Variants in DCX observed in about 807,000 individuals in gnomAD.
The protein encoded by DCX is doublecortin, also known as neuronal migration protein doublecortin.
Under a neutral mutation model 20.9 loss-of-function variants are expected in DCX, and 4 were observed. The ratio of observed to expected loss-of-function variants is 0.19; its 90% CI spans 0.09 to 0.44. The LOEUF (loss-of-function observed/expected upper bound fraction) is 0.44. Among genes scored for constraint, DCX ranks in the 20% least tolerant of loss-of-function variants. DCX has a pLI of 0.99. For missense variants in DCX, 133 were observed against 296.9 expected (o/e 0.45, Z 4.06); for synonymous variants, 103 against 111.4 (o/e 0.92, Z 0.47).
intron 5 of DCX, among the ~76,000 whole-genome samples, chrX:111,313,783 T>G (rs889013965): frequency 9.1e-6 from 1 of 110,088 alleles, no homozygotes; most frequent in Non-Finnish European, 1.9e-5. Flanking sequence ...CTAAAGTATT[T>G]TTTTTTTAAT....
chrX:111,345,755 A>G (rs1922752355), intron 3 of DCX, among the ~76,000 whole-genome samples: 1 of 112,005 alleles, frequency 8.9e-6, no homozygotes, highest in African/African-American at 3.2e-5. Flanking sequence ...TTGGGTATAT[A>G]CCCAGTAATG....
chrX:111,331,526 A>G (rs1921244251), intron 4 of DCX, among the ~76,000 whole-genome samples: 1 of 112,020 alleles, frequency 8.9e-6, no homozygotes, highest in Admixed American at 9.5e-5. Flanking sequence ...ATATCATGTC[A>G]CTTTATATAA....
chrX:111,352,572 G>T (rs1923396842), intron 3 of DCX, among the ~76,000 whole-genome samples: 1 of 112,048 alleles, frequency 8.9e-6, no homozygotes, highest in African/African-American at 3.2e-5. Flanking sequence ...TAGACCTCTG[G>T]TTTTTGCAAG....
At chrX:111,306,355 TAA>T (rs751658530) in intron 6 of DCX, among the ~76,000 whole-genome samples, 2 of 111,718 alleles carry the variant, frequency 1.8e-5, no homozygotes, top group Non-Finnish European at 3.8e-5. Flanking sequence ...TTTATAATGA[TAA>T]AAAGAGTCAA....
chrX:111,352,606 C>T (rs1312030046), intron 3 of DCX, among the ~76,000 whole-genome samples: 2 of 111,912 alleles, frequency 1.8e-5, no homozygotes, highest in African/African-American at 6.5e-5. Flanking sequence ...GGCATCCTTC[C>T]CAGGCTCTGA....
chrX:111,298,816 T>C lies in DCX; in HGVS notation c.*2871A>G, dbSNP rs1408312196. 1 of 112,066 alleles carries C rather than the reference T, an allele frequency of 8.9e-6. No individual in the cohort carries two copies. The highest frequency in any genetic ancestry group is 3.3e-5 in the African/African-American group (1 of 30,760). The allele number at this position is 112,066 out of a possible 1,213,427, so 9.2% of individuals were successfully genotyped here. A position where few individuals can be genotyped will look rare whatever the true frequency, so the allele number is the denominator to read the frequency against. ...AGAGAAAAGGAGCTTTTCTCTCAAT[T>C]TACCCCTAGTTAATACTACTTATGA... On this transcript the variant is annotated 3_prime_UTR_variant, in exon 7 of 7. Transcript: ENST00000636035.
intron 5 of DCX, among the ~76,000 whole-genome samples, chrX:111,326,660 C>T (rs775796353): frequency 1.3e-4 from 14 of 111,497 alleles, no homozygotes; most frequent in Non-Finnish European, 2.6e-4. Flanking sequence ...AAAATGAGCT[C>T]CTTACAGAAA....
At chrX:111,314,707 G>T (rs952165952) in intron 5 of DCX, among the ~76,000 whole-genome samples, 3 of 111,565 alleles carry the variant, frequency 2.7e-5, no homozygotes, top group Non-Finnish European at 3.8e-5. Flanking sequence ...TATGTAAATT[G>T]TATCTCAATA....
chrX:111,304,997 C>A (rs2095041933), intron 6 of DCX, among the ~76,000 whole-genome samples: 2 of 111,788 alleles, frequency 1.8e-5, no homozygotes, highest in African/African-American at 6.5e-5. Flanking sequence ...AATCATGTCC[C>A]AACACAGGAA....
intron 5 of DCX, among the ~76,000 whole-genome samples, chrX:111,328,363 C>T (rs188521493): frequency 3.9e-4 from 43 of 111,556 alleles, no homozygotes; most frequent in African/African-American, 1.3e-3. Flanking sequence ...TTTAGAGTCA[C>T]TGAGGTGCAT....
Position 111,297,688 on chromosome X carries a change from C to T in DCX, c.*3999G>A, listed in dbSNP as rs950427500. On this transcript the variant is annotated 3_prime_UTR_variant, in exon 7 of 7. Transcript: ENST00000636035. The stretch of plus-strand genomic sequence containing the variant: ...CTTAGAACTGAACTAATAAATACCC[C>T]CTTAGTTCCCAGGAAGAGCCTTGCA... The T allele has an allele frequency of 1.8e-5, 2 of 111,407 alleles. No individual in the cohort carries two copies. The highest frequency in any genetic ancestry group is 3.8e-5 in the Non-Finnish European group (2 of 53,069). The allele number at this position is 111,407 out of a possible 1,213,427, so 9.2% of individuals were successfully genotyped here.
chrX:111,402,467 T>C (rs1269391102), intron 2 of DCX, among the ~76,000 whole-genome samples: 1 of 111,433 alleles, frequency 9.0e-6, no homozygotes, highest in Non-Finnish European at 1.9e-5. Context: ...GCAGAAACAG[T>C]GTGATTTAAT....
At chrX:111,338,877 G>A (rs988177071) in intron 3 of DCX, among the ~76,000 whole-genome samples, 1 of 111,053 alleles carries the variant, frequency 9.0e-6, no homozygotes, top group Non-Finnish European at 1.9e-5. Flanking sequence ...AACTCAATCC[G>A]ATCAGGCTTC....
intron 3 of DCX, among the ~76,000 whole-genome samples, chrX:111,368,126 G>T (rs763734612): frequency 9.0e-6 from 1 of 111,307 alleles, no homozygotes; most frequent in South Asian, 3.9e-4. Flanking sequence ...TGCCATTTCT[G>T]TTTTCAAAAC....
chrX:111,358,866 A>G (rs997096319), intron 3 of DCX, among the ~76,000 whole-genome samples: 2 of 112,241 alleles, frequency 1.8e-5, no homozygotes, highest in Non-Finnish European at 3.8e-5. Flanking sequence ...GCAAAATTAT[A>G]AACGACCTAG....
At chrX:111,380,095 CA>C in intron 3 of DCX, among the ~76,000 whole-genome samples, 1 of 111,542 alleles carries the variant, frequency 9.0e-6, no homozygotes, top group Non-Finnish European at 1.9e-5. Flanking sequence ...CCTAGTCAGA[CA>C]TATGATTTTC....
chrX:111,372,136 T>A (rs754139408), intron 3 of DCX, among the ~76,000 whole-genome samples: 7 of 111,464 alleles, frequency 6.3e-5, no homozygotes, highest in Middle Eastern at 4.6e-3. Flanking sequence ...GCCATTTCCA[T>A]CATGACTTTG....
chrX:111,328,566 TA>T lies in DCX; in HGVS notation c.946+2337del, dbSNP rs1049268663. The stretch of plus-strand genomic sequence containing the variant: ...CTAACTGATGGGTTATATGGTGGTT[TA>T]AAAACAGATCTACAAATTCTTCAAC... On this transcript the variant is annotated intron_variant, in intron 5 of 6. Coordinates refer to ENST00000636035, the MANE Select transcript of DCX (RefSeq NM_001195553.2). Among the ~76,000 whole-genome samples, 6 of 110,975 alleles carry T rather than the reference TA, an allele frequency of 5.4e-5. No individual in the cohort carries two copies. The Admixed American group carries it at 5.7e-4, about 11-fold the overall frequency.
At chrX:111,312,545 A>T in intron 6 of DCX, 94 bp downstream of exon 6, 1 of 928,067 alleles carries the variant, frequency 1.1e-6, no homozygotes, top group Non-Finnish European at 1.5e-6. Flanking sequence ...TTCTGGCCTT[A>T]ATGTGCTGTT....
Sources: allele counts gnomAD v4.1 joint callset (sites outside exome capture counted in the v4.1 genomes callset), GRCh38; gene constraint gnomAD v4.1.1; transcripts MANE v1.5; gene names NCBI Gene and HGNC (gene_info 2026-07-23, HGNC 2026-07-21).